Variants in FNIP1 observed in about 807,000 individuals in gnomAD.
FNIP1 encodes the protein folliculin interacting protein 1, also known as folliculin-interacting protein 1.
A neutral mutation model predicts 124.5 loss-of-function variants in FNIP1; 40 were observed. That is an observed-to-expected ratio of 0.32 (90% confidence interval 0.25 to 0.42). The LOEUF is 0.42. Among genes scored for constraint, FNIP1 ranks in the 10% least tolerant of loss-of-function variants. FNIP1 has a pLI of 1.00. For missense variants in FNIP1, 1,176 were observed against 1,403.7 expected, an observed-to-expected ratio of 0.84 and a Z score of 2.59; for synonymous variants, 472 against 470.6, an observed-to-expected ratio of 1.00 and a Z score of -0.04.
intron 1 of FNIP1, among the ~76,000 whole-genome samples, chr5:131,782,698 G>A (rs1421807269): frequency 1.3e-5 from 2 of 152,208 alleles, no homozygotes; most frequent in Non-Finnish European, 2.9e-5. Flanking sequence ...GGGAAGAGGT[G>A]AAAATACCAA....
At chr5:131,691,933 T>C (rs560401060) in intron 11 of FNIP1, among the ~76,000 whole-genome samples, 29 of 152,278 alleles carry the variant, frequency 1.9e-4, no homozygotes, top group Admixed American at 8.5e-4. Flanking sequence ...TGGATGTTTT[T>C]TTTCCTATGA....
rs374824041 is a variant in FNIP1 at position 131,672,552 on chromosome 5, T to C, written c.1892A>G (p.Glu631Gly). The change falls in exon 14 of 18, where the codon GAA (glutamate) becomes GGA (glycine). Residue 631 changes from glutamate (E) to glycine (G), a missense_variant. Around this residue, in one of 2 missense-constraint regions of FNIP1, gnomAD observed 1,109 missense variants for 1,288.5 expected, o/e 0.86. Transcript: ENST00000510461. ...NVENISQQER[E>G]DIQNSSKELL... ...CTCCTTAGAGCTGTTTTGAATATCT[T>C]CTCTCTCTTGTTGTGAAATGTTCTC... is the stretch of plus-strand genomic sequence containing the variant. The C allele has an allele frequency of 4.3e-6, 7 of 1,613,896 alleles. No homozygotes were observed. Among genetic ancestry groups the C allele is most frequent in the African/African-American group, 4.0e-5 (3 of 74,926 alleles).
chr5:131,651,580 C>T (rs1343881742), intron 16 of FNIP1, among the ~76,000 whole-genome samples: 2 of 152,114 alleles, frequency 1.3e-5, no homozygotes, highest in Admixed American at 6.5e-5. Flanking sequence ...TCTTAGGCCA[C>T]TAATACCATC....
At chr5:131,728,149 T>C (rs1769952138) in intron 3 of FNIP1, among the ~76,000 whole-genome samples, 1 of 152,186 alleles carries the variant, frequency 6.6e-6, no homozygotes, top group African/African-American at 2.4e-5. Flanking sequence ...CTGACGATTA[T>C]GTGTCTTGGG....
In FNIP1 at chr5:131,730,910, C is replaced by T; in HGVS notation, c.348G>A (p.Lys116=). The T allele has an allele frequency of 1.2e-6, 2 of 1,601,670 alleles. No homozygotes were observed. The highest frequency in any genetic ancestry group is 1.7e-6 in the Non-Finnish European group (2 of 1,174,708). ...SSSDIKDQCL[K]YQGSRCSSDA... The stretch of plus-strand genomic sequence containing the variant: ...ATGACATCAATGATCTTACCTGGTA[C>T]TTAAGACACTGGTCTTTTATATCAG... The change falls in exon 3 of 18, where the codon AAG becomes AAA. Residue 116 remains lysine (K), a synonymous_variant. Coordinates refer to ENST00000510461, the MANE Select transcript of FNIP1 (RefSeq NM_133372.3).
intron 6 of FNIP1, among the ~76,000 whole-genome samples, chr5:131,714,007 C>G (rs1015298777): frequency 2.0e-5 from 3 of 152,150 alleles, no homozygotes. Context: ...CTGTGGTGAC[C>G]TCGAGAATAT....
At chr5:131,675,151 C>G (rs1767874633) in intron 13 of FNIP1, among the ~76,000 whole-genome samples, 1 of 152,208 alleles carries the variant, frequency 6.6e-6, no homozygotes, top group Non-Finnish European at 1.5e-5. Context: ...ATGCTCTGCA[C>G]TTTTAACACC....
intron 11 of FNIP1, among the ~76,000 whole-genome samples, chr5:131,680,010 T>C (rs980409108): frequency 5.3e-5 from 8 of 152,230 alleles, no homozygotes; most frequent in Non-Finnish European, 1.2e-4. Flanking sequence ...TTCTACTTTT[T>C]AAAACAATGC....
chr5:131,685,206 A>G lies in FNIP1; in HGVS notation c.1203-6031T>C, dbSNP rs538082792. Among the ~76,000 whole-genome samples the G allele has an allele frequency of 3.3e-5, 5 of 152,262 alleles. No individual in the cohort carries two copies. The South Asian group carries it at 8.3e-4, about 25-fold the overall frequency. On this transcript the variant is annotated intron_variant, in intron 11 of 17. Coordinates refer to ENST00000510461, the MANE Select transcript of FNIP1 (RefSeq NM_133372.3). ...ACAAGAGTTCAAGATTAGCCTGGAC[A>G]ACATAGTAACCCCATTATACAACAT...
Position 131,796,927 on chromosome 5 carries a change from C to T in FNIP1, c.-6G>A. 6.3e-7 allele frequency: 1 copy of T among 1,598,996 alleles called. No homozygotes were observed. Among genetic ancestry groups the T allele is most frequent in the Non-Finnish European group, 8.5e-7 (1 of 1,173,510 alleles). On this transcript the variant is annotated 5_prime_UTR_variant, in exon 1 of 18. Coordinates refer to ENST00000510461, the MANE Select transcript of FNIP1 (RefSeq NM_133372.3). ...TGGAACAGCGTAGGGGCCATGCTAG[C>T]CACGGCCAGGCAGGGGTCGCTCCGC...
chr5:131,734,133 T>C (rs1442292741), intron 2 of FNIP1, among the ~76,000 whole-genome samples: 3 of 152,238 alleles, frequency 2.0e-5, no homozygotes, highest in Admixed American at 6.5e-5. Context: ...GTTTATAGTA[T>C]GCTCTGATGG....
intron 1 of FNIP1, among the ~76,000 whole-genome samples, chr5:131,790,013 C>T (rs1772351439): frequency 6.6e-6 from 1 of 152,216 alleles, no homozygotes; most frequent in African/African-American, 2.4e-5. Context: ...ATCTCAATGG[C>T]AATTAAAACC....
At chr5:131,676,715 G>A (rs763534624) in intron 13 of FNIP1, among the ~76,000 whole-genome samples, 39 of 152,100 alleles carry the variant, frequency 2.6e-4, no homozygotes, top group Admixed American at 6.5e-4. Context: ...AGCCATGATC[G>A]TGCCACTGCA....
intron 9 of FNIP1, 84 bp downstream of exon 9, chr5:131,706,327 A>C: frequency 7.3e-7 from 1 of 1,368,656 alleles, no homozygotes; most frequent in South Asian, 1.7e-5. Flanking sequence ...TACACAGAAT[A>C]CAAGTCCAGG....
chr5:131,665,957 A>G (rs958727280), intron 15 of FNIP1, among the ~76,000 whole-genome samples: 4 of 141,128 alleles, frequency 2.8e-5, no homozygotes, highest in Non-Finnish European at 6.0e-5. Flanking sequence ...GCTGGAGTGC[A>G]GTGGCGTGAT....
chr5:131,695,680 T>C (rs1318756403), intron 11 of FNIP1, among the ~76,000 whole-genome samples: 2 of 152,196 alleles, frequency 1.3e-5, no homozygotes, highest in Non-Finnish European at 2.9e-5. Context: ...AATATATGGG[T>C]TAATACAACT....
intron 15 of FNIP1, among the ~76,000 whole-genome samples, chr5:131,662,060 G>C (rs77048862): frequency 0.027 from 4,097 of 152,280 alleles, 173 homozygotes; most frequent in African/African-American, 0.093. Context: ...CCACCATCCA[G>C]AGAACAGGAA....
intron 16 of FNIP1, among the ~76,000 whole-genome samples, chr5:131,650,675 G>A (rs1419602662): frequency 6.6e-6 from 1 of 152,172 alleles, no homozygotes; most frequent in African/African-American, 2.4e-5. Flanking sequence ...TAGGGAAAGT[G>A]GGTCTTATTG....
Position 131,683,042 on chromosome 5 carries a change from T to C in FNIP1, c.1203-3867A>G, listed in dbSNP as rs938165495. 4.6e-5 allele frequency among the ~76,000 whole-genome samples: 7 copies of C among 152,330 alleles called. No individual in the cohort carries two copies. The South Asian group carries it at 8.3e-4, about 18-fold the overall frequency. On this transcript the variant is annotated intron_variant, in intron 11 of 17. Coordinates refer to ENST00000510461, the MANE Select transcript of FNIP1 (RefSeq NM_133372.3). ...CTAGCTTTCATGGTTTCTGTACACA[T>C]GTAAATAATTTCCTTCCTCTTCTCA... is the stretch of plus-strand genomic sequence containing the variant.
Sources: allele counts gnomAD v4.1 joint callset (sites outside exome capture counted in the v4.1 genomes callset), GRCh38; gene constraint gnomAD v4.1.1; regional missense constraint gnomAD v4.1.1; transcripts MANE v1.5; gene names NCBI Gene and HGNC (gene_info 2026-07-23, HGNC 2026-07-21).